DCLK1: variants seen among roughly 807,000 people sequenced by gnomAD.
DCLK1 encodes the protein serine/threonine-protein kinase DCLK1.
DCLK1 carries 16 observed loss-of-function variants against 86.2 expected under a neutral mutation model. The observed-to-expected ratio is 0.19, with a 90% CI of 0.13 to 0.28. The LOEUF (loss-of-function observed/expected upper bound fraction) is 0.28. Ranked by LOEUF, DCLK1 falls within the 10% of genes least tolerant of loss-of-function variation. The pLI is 1.00. For missense variants in DCLK1, 590 were observed against 940.2 expected (o/e 0.63, Z 4.87); for synonymous variants, 369 against 370.5 (o/e 1.00, Z 0.05).
At chr13:35,873,238 C>G (rs1872396163) in intron 4 of DCLK1, among the ~76,000 whole-genome samples, 1 of 151,754 alleles carries the variant, frequency 6.6e-6, no homozygotes, top group Non-Finnish European at 1.5e-5. Context: ...GCAGAGGCTG[C>G]AGTGAGCCAA....
intron 16 of DCLK1, among the ~76,000 whole-genome samples, chr13:35,783,913 T>C (rs4591003): frequency 0.59 from 90,085 of 152,018 alleles, 29,602 homozygotes; most frequent in African/African-American, 0.88. Flanking sequence ...TCTAAAAGTG[T>C]CATGTGTCTG....
chr13:35,791,525 A>T (rs553494690), intron 16 of DCLK1, among the ~76,000 whole-genome samples: 1 of 152,198 alleles, frequency 6.6e-6, no homozygotes, highest in Non-Finnish European at 1.5e-5. Context: ...TTTAAGATCC[A>T]GCTAGATGAG....
chr13:36,103,767 T>C (rs892050714), intron 3 of DCLK1, among the ~76,000 whole-genome samples: 1 of 152,236 alleles, frequency 6.6e-6, no homozygotes, highest in Non-Finnish European at 1.5e-5. Context: ...CAGACACCCT[T>C]GAATACTGCA....
At chr13:35,871,966 T>C (rs1391180000) in intron 4 of DCLK1, among the ~76,000 whole-genome samples, 2 of 152,266 alleles carry the variant, frequency 1.3e-5, no homozygotes, top group African/African-American at 4.8e-5. Flanking sequence ...GTCTGTGAAA[T>C]GGTTTGTGGC....
intron 4 of DCLK1, among the ~76,000 whole-genome samples, chr13:35,874,980 G>A (rs556098492): frequency 3.3e-5 from 5 of 152,214 alleles, no homozygotes; most frequent in Admixed American, 6.5e-5. Flanking sequence ...TGGCCACTAC[G>A]TGCCAAGCAT....
chr13:35,970,494 G>A (rs1205630035), intron 3 of DCLK1, among the ~76,000 whole-genome samples: 1 of 152,186 alleles, frequency 6.6e-6, no homozygotes, highest in Non-Finnish European at 1.5e-5. Context: ...CCTCTAAGAG[G>A]TGATTAGGCC....
At chr13:36,003,015 C>A (rs1313614454) in intron 3 of DCLK1, among the ~76,000 whole-genome samples, 2 of 152,188 alleles carry the variant, frequency 1.3e-5, no homozygotes, top group Non-Finnish European at 2.9e-5. Context: ...GTCCAGGGAT[C>A]CCAGGCAGAT....
At chr13:36,012,003 A>T (rs1794978188) in intron 3 of DCLK1, among the ~76,000 whole-genome samples, 1 of 146,534 alleles carries the variant, frequency 6.8e-6, no homozygotes, top group African/African-American at 2.6e-5. Context: ...GTCTCTTTTG[A>T]TCTTTGTTGG....
intron 4 of DCLK1, among the ~76,000 whole-genome samples, chr13:35,871,748 G>A (rs1049950537): frequency 1.3e-5 from 2 of 152,184 alleles, no homozygotes; most frequent in Non-Finnish European, 2.9e-5. Flanking sequence ...ACCAAGAAAT[G>A]TGGTGGTGGA....
chr13:35,798,526 C>T (rs1444430684), intron 15 of DCLK1, among the ~76,000 whole-genome samples: 1 of 152,186 alleles, frequency 6.6e-6, no homozygotes. Flanking sequence ...TCCCAGTGTG[C>T]TTGACTCCTG....
intron 3 of DCLK1, among the ~76,000 whole-genome samples, chr13:36,049,043 C>A (rs1032027801): frequency 6.6e-6 from 1 of 152,050 alleles, no homozygotes; most frequent in Non-Finnish European, 1.5e-5. Context: ...TCTTTTTTCT[C>A]CCTTTAAACT....
chr13:36,077,737 T>C (rs1173461634), intron 3 of DCLK1, among the ~76,000 whole-genome samples: 5 of 152,200 alleles, frequency 3.3e-5, no homozygotes, highest in Admixed American at 3.3e-4. Context: ...CATGTCCCTG[T>C]TCTGTGGTTG....
intron 3 of DCLK1, among the ~76,000 whole-genome samples, chr13:36,030,078 G>A (rs1384528477): frequency 6.6e-6 from 1 of 152,158 alleles, no homozygotes; most frequent in East Asian, 1.9e-4. Flanking sequence ...TTAGTTGCTT[G>A]AAAATAGAGC....
At chr13:35,897,139 G>C (rs1363585144) in intron 4 of DCLK1, among the ~76,000 whole-genome samples, 1 of 152,202 alleles carries the variant, frequency 6.6e-6, no homozygotes, top group Admixed American at 6.5e-5. Context: ...ATAAGGACCA[G>C]ATGATGTAGG....
chr13:35,835,964 GAC>G (rs1421653032), intron 8 of DCLK1, 67 bp downstream of exon 8: 1 of 1,147,678 alleles, frequency 8.7e-7, no homozygotes, highest in Non-Finnish European at 1.3e-6. Context: ...TGGAAATAGA[GAC>G]ACAATCTTGG....
At chr13:35,995,622 G>C (rs1195539111) in intron 3 of DCLK1, among the ~76,000 whole-genome samples, 1 of 152,148 alleles carries the variant, frequency 6.6e-6, no homozygotes, top group African/African-American at 2.4e-5. Flanking sequence ...ATTCTGAATG[G>C]AAATTTCACC....
At chr13:36,012,094 A>T (rs1178982601) in intron 3 of DCLK1, among the ~76,000 whole-genome samples, 4 of 138,378 alleles carry the variant, frequency 2.9e-5, no homozygotes, top group Non-Finnish European at 4.6e-5. Context: ...ATCTTCCTCC[A>T]TCCTTTTATT....
At chr13:35,804,083 G>T (rs984522507) in intron 15 of DCLK1, among the ~76,000 whole-genome samples, 1 of 152,044 alleles carries the variant, frequency 6.6e-6, no homozygotes, top group African/African-American at 2.4e-5. Flanking sequence ...AATACTTCTG[G>T]CAGACTCTAG....
intron 3 of DCLK1, among the ~76,000 whole-genome samples, chr13:36,074,703 T>A (rs1884119854): frequency 6.6e-6 from 1 of 152,160 alleles, no homozygotes; most frequent in African/African-American, 2.4e-5. Context: ...AGAATAAAGA[T>A]CAGGAAGAGC....
Sources: allele counts gnomAD v4.1 joint callset (sites outside exome capture counted in the v4.1 genomes callset), GRCh38; gene constraint gnomAD v4.1.1; transcripts MANE v1.5; gene names NCBI Gene and HGNC (gene_info 2026-07-23, HGNC 2026-07-21).